DRC7: variants seen among roughly 807,000 people sequenced by gnomAD.
The protein encoded by DRC7 is coiled-coil domain containing 135.
A neutral mutation model predicts 104.4 loss-of-function variants in DRC7; 80 were observed. That is an observed-to-expected ratio of 0.77 (90% CI 0.64 to 0.92). DRC7 has a LOEUF of 0.92. DRC7 is among the 40% of genes least tolerant of loss of function. The pLI, the probability that DRC7 is intolerant of heterozygous loss-of-function variation, is 0.00. For synonymous variants in DRC7, 405 were observed against 447.3 expected, an observed-to-expected ratio of 0.91 and a Z score of 1.19; for missense variants, 1,034 against 1,141.1, an observed-to-expected ratio of 0.91 and a Z score of 1.35.
intron 6 of DRC7, among the ~76,000 whole-genome samples, chr16:57,703,542 C>T (rs1367123428): frequency 6.6e-6 from 1 of 152,078 alleles, no homozygotes; most frequent in African/African-American, 2.4e-5. Flanking sequence ...ACCCAGGGAC[C>T]CCAGGGTGGG....
intron 7 of DRC7, among the ~76,000 whole-genome samples, chr16:57,705,570 C>T (rs569008685): frequency 1.4e-4 from 18 of 125,710 alleles, no homozygotes; most frequent in Admixed American, 6.4e-4. Flanking sequence ...CCACCCACCT[C>T]CCATCCATCC....
At chr16:57,706,067 TTTTGCCTC>T (rs2048720536) in intron 7 of DRC7, among the ~76,000 whole-genome samples, 1 of 115,116 alleles carries the variant, frequency 8.7e-6, no homozygotes, top group African/African-American at 3.4e-5. Flanking sequence ...CATCCTCCCA[TTTTGCCTC>T]CCATCCATCC....
At position 57,731,023 on chromosome 16, in the gene DRC7, C is replaced by T. The variant is rs201205154; in HGVS notation, c.2484C>T (p.Cys828=). The change falls in exon 18 of 19, where the codon TGC becomes TGT. Residue 828 remains cysteine (C), a synonymous_variant. Coordinates refer to ENST00000360716, the MANE Select transcript of DRC7 (RefSeq NM_001289162.2). ...ATGAAGACCTGTACCTGAGTTACTG[C>T]TCTCAGGCCATGTTCCGCATCCGCA... ...PEDEDLYLSY[C]SQAMFRIRIL... is the part of the protein sequence containing the mutation. 2.0e-4 allele frequency: 319 copies of T among 1,613,688 alleles called. No homozygotes were observed. Among genetic ancestry groups the T allele is most frequent in the Admixed American group, 2.5e-4 (15 of 60,020 alleles).
At position 57,718,355 on chromosome 16, in the gene DRC7, C is replaced by A; in HGVS notation, c.1086C>A (p.Ile362=). 1 of 1,613,950 alleles carries A rather than the reference C, an allele frequency of 6.2e-7. No homozygotes were observed. Among genetic ancestry groups the A allele is most frequent in the Non-Finnish European group, 8.5e-7 (1 of 1,179,874 alleles). The stretch of plus-strand genomic sequence containing the variant: ...GCCCTCATCCCCAACAGGACTTGAT[C>A]TTTGACCTGGGTGACCCTGTGAGAT... ...QDCWNCCKDL[I]FDLGDPVRWE... is the part of the protein sequence containing the mutation. Residue 362 remains isoleucine, a synonymous_variant, in exon 9 of 19, where the codon ATC becomes ATA. Coordinates refer to ENST00000360716, the MANE Select transcript of DRC7 (RefSeq NM_001289162.2).
In DRC7 at chr16:57,729,590, G is replaced by GTGGA. The variant is rs1251173635; in HGVS notation, c.2391+1018_2391+1021dup. ...GGTGGGTGGATGGATGAGTGGGTGG[G>GTGGA]TGGATGGATGGATGGGTGAGTGAGT... On this transcript the variant is annotated intron_variant, in intron 17 of 18. Transcript: ENST00000360716. Among the ~76,000 whole-genome samples the GTGGA allele has an allele frequency of 1.7e-4, 10 of 58,242 alleles. 1 individual carries two copies. In the East Asian group the frequency reaches 2.3e-3, roughly 14 times the overall value. The allele number at this position is 58,242 out of a possible 152,430, so 38.2% of individuals were successfully genotyped here. A position where few individuals can be genotyped will look rare whatever the true frequency, so the allele number is the denominator to read the frequency against.
chr16:57,725,886 G>T, intron 13 of DRC7, 182 bp from the exon 14 acceptor site: 3 of 615,798 alleles, frequency 4.9e-6, no homozygotes, highest in Non-Finnish European at 5.9e-6. Context: ...GAGTGGAGTG[G>T]CCTGGCCCTG....
chr16:57,721,934 G>A (rs746197612), intron 10 of DRC7, among the ~76,000 whole-genome samples, 195 bp downstream of exon 10: 20 of 152,014 alleles, frequency 1.3e-4, no homozygotes, highest in Admixed American at 3.3e-4. Flanking sequence ...GACCCCGAGG[G>A]CCTGACGACC....
chr16:57,701,733 G>A, intron 5 of DRC7: 2 of 567,926 alleles, frequency 3.5e-6, no homozygotes, highest in Non-Finnish European at 6.3e-6. Flanking sequence ...TCAAATGACA[G>A]GCAAATGTGA....
chr16:57,713,155 C>T (rs1190555032), intron 8 of DRC7, among the ~76,000 whole-genome samples: 2 of 152,166 alleles, frequency 1.3e-5, no homozygotes, highest in Non-Finnish European at 2.9e-5. Flanking sequence ...AGGAAATTCA[C>T]CAAATTCTTA....
chr16:57,715,735 C>A (rs2048835857), intron 8 of DRC7, among the ~76,000 whole-genome samples: 3 of 152,204 alleles, frequency 2.0e-5, no homozygotes, highest in African/African-American at 7.2e-5. Context: ...GCCGACACTG[C>A]CCTCCCCCAG....
intron 12 of DRC7, among the ~76,000 whole-genome samples, chr16:57,724,242 G>A (rs1369834626): frequency 2.0e-5 from 3 of 150,086 alleles, no homozygotes; most frequent in Non-Finnish European, 3.0e-5. Flanking sequence ...CCCAGGTGGC[G>A]GAGACTGCGG....
At chr16:57,717,893 T>C (rs1462180278) in intron 8 of DRC7, among the ~76,000 whole-genome samples, 1 of 152,168 alleles carries the variant, frequency 6.6e-6, no homozygotes, top group Non-Finnish European at 1.5e-5. Flanking sequence ...ATTTCCCTTG[T>C]TCCTGGCATG....
chr16:57,728,836 GGATA>G (rs1462480981), intron 17 of DRC7, among the ~76,000 whole-genome samples: 8 of 149,984 alleles, frequency 5.3e-5, no homozygotes, highest in Non-Finnish European at 1.0e-4. Flanking sequence ...ATGGATGGAT[GGATA>G]GATGGGTGGA....
In DRC7 at chr16:57,700,225, C is replaced by T. The variant is rs745454338; in HGVS notation, c.459C>T (p.Val153=). ...ACTGGGACAGCTGTGCCCAGTTTGT[C>T]TCCGACTTCCTCACCATGGTGCCCC... ...LYNWDSCAQF[V]SDFLTMVPLP... Residue 153 remains valine, a synonymous_variant, in exon 5 of 19, where the codon GTC becomes GTT. Coordinates refer to ENST00000360716, the MANE Select transcript of DRC7 (RefSeq NM_001289162.2). 7 of 1,614,108 alleles carry T rather than the reference C, an allele frequency of 4.3e-6. No individual in the cohort carries two copies. Among genetic ancestry groups the T allele is most frequent in the African/African-American group, 1.3e-5 (1 of 75,060 alleles).
chr16:57,705,774 C>CCATCCATCCTCCCAT (rs1386781477), intron 7 of DRC7, among the ~76,000 whole-genome samples: 2 of 129,756 alleles, frequency 1.5e-5, no homozygotes, highest in African/African-American at 6.0e-5. Context: ...ATCCTCCCAT[C>CCATCCATCCTCCCAT]CATCCATCCT....
chr16:57,701,795 C>T (rs1204933799), intron 5 of DRC7, 141 bp from the exon 6 acceptor site: 2 of 655,640 alleles, frequency 3.1e-6, no homozygotes, highest in Admixed American at 5.8e-5. Context: ...CCTGACCCCA[C>T]AAGGGTTAGG....
intron 6 of DRC7, among the ~76,000 whole-genome samples, chr16:57,702,875 G>A (rs369013443): frequency 2.0e-5 from 3 of 151,974 alleles, no homozygotes; most frequent in African/African-American, 4.8e-5. Flanking sequence ...ACACTCCCGA[G>A]GTAAAAAGCC....
At chr16:57,730,039 C>T (rs574786127) in intron 17 of DRC7, among the ~76,000 whole-genome samples, 7 of 95,778 alleles carry the variant, frequency 7.3e-5, no homozygotes, top group Admixed American at 1.4e-4. Context: ...AGTGGAAGGA[C>T]GGATGGACGG....
At chr16:57,719,925 C>T (rs2048885157) in intron 9 of DRC7, among the ~76,000 whole-genome samples, 1 of 152,160 alleles carries the variant, frequency 6.6e-6, no homozygotes, top group Non-Finnish European at 1.5e-5. Flanking sequence ...AAGACAACAA[C>T]AACAACAAAG....
Sources: gnomAD v4.1 joint callset for allele counts (sites outside exome capture counted in the v4.1 genomes callset) on GRCh38, gnomAD v4.1.1 for gene constraint, MANE v1.5 for transcripts, NCBI Gene and HGNC (gene_info 2026-07-23, HGNC 2026-07-21) for gene names.